Variants in POLR3H observed in about 807,000 individuals in gnomAD.
The protein encoded by POLR3H is RNA polymerase III subunit H.
POLR3H carries 17 observed loss-of-function variants against 25.5 expected under a neutral mutation model. That is an observed-to-expected ratio of 0.67 (90% CI 0.46 to 1.00). POLR3H has a LOEUF of 1.00. POLR3H is among the 50% of genes least tolerant of loss of function. The probability of loss-of-function intolerance (pLI) is 0.00; values close to 1 mark genes in which losing one functional copy is unlikely to be tolerated. For missense variants in POLR3H, 274 were observed against 265.0 expected, an observed-to-expected ratio of 1.03 and a Z score of -0.24; for synonymous variants, 129 against 103.0, an observed-to-expected ratio of 1.25 and a Z score of -1.53.
chr22:41,532,857 C>T, intron 2 of POLR3H, 112 bp from the exon 3 acceptor site: 1 of 1,151,816 alleles, frequency 8.7e-7, no homozygotes, highest in Non-Finnish European at 1.2e-6. Context: ...CATGCCACAT[C>T]CCCCTGCAAG....
Position 41,527,588 on chromosome 22 carries a change from TCAGCTTCC to T in POLR3H, c.*1687_*1694del. 3 of 1,008,598 alleles carry T rather than the reference TCAGCTTCC, an allele frequency of 3.0e-6. No homozygotes were observed. Among genetic ancestry groups the T allele is most frequent in the South Asian group, 1.7e-5 (1 of 59,846 alleles). 62.5% of individuals were successfully genotyped at this position (1,008,598 alleles called of 1,614,324 possible). On this transcript the variant is annotated 3_prime_UTR_variant, in exon 6 of 6. Transcript: ENST00000355209. ...GGCTCACACAGTGCACATCCGACGC[TCAGCTTCC>T]CGGCTTCCCGCAGGCCCTGCTTCCA...
At position 41,543,913 on chromosome 22, in the gene POLR3H, C is replaced by T. The variant is rs1569039488; in HGVS notation, c.111+78G>A. ...TGCCCACGGCCAGGGCTTGGCATGA[C>T]CGAGGCCGGGCCTGCGGCCAGTGGG... On this transcript the variant is annotated intron_variant, in intron 1 of 5. Transcript: ENST00000355209. 4.9e-6 allele frequency: 5 copies of T among 1,028,248 alleles called. No individual in the cohort carries two copies. In the South Asian group the frequency reaches 5.2e-5, roughly 11 times the overall value. The allele number at this position is 1,028,248 out of a possible 1,614,324, so 63.7% of individuals were successfully genotyped here. A position where few individuals can be genotyped will look rare whatever the true frequency, so the allele number is the denominator to read the frequency against.
chr22:41,530,470 GC>G (rs898705302), intron 5 of POLR3H, among the ~76,000 whole-genome samples: 21 of 152,044 alleles, frequency 1.4e-4, no homozygotes, highest in African/African-American at 5.1e-4. Context: ...AAGCTGACTC[GC>G]CCACCCCACC....
rs536839728 is a variant in POLR3H at position 41,528,293 on chromosome 22, C to T, written c.*990G>A. On this transcript the variant is annotated 3_prime_UTR_variant, in exon 6 of 6. Transcript: ENST00000355209. ...CCCACCCACTGCAGGACCCTCTGGG[C>T]CCCAGGAATCCCCTGTAGGTGCCAC... is the stretch of plus-strand genomic sequence containing the variant. The T allele has an allele frequency of 1.1e-6, 1 of 897,756 alleles. No individual in the cohort carries two copies. The highest frequency in any genetic ancestry group is 1.6e-6 in the Non-Finnish European group (1 of 606,514). The allele number at this position is 897,756 out of a possible 1,614,324, so 55.6% of individuals were successfully genotyped here.
At chr22:41,534,905 A>G (rs1374216150) in intron 2 of POLR3H, among the ~76,000 whole-genome samples, 1 of 151,994 alleles carries the variant, frequency 6.6e-6, no homozygotes, top group Non-Finnish European at 1.5e-5. Flanking sequence ...AAAAAAAAAA[A>G]AAAAAAAATT....
intron 2 of POLR3H, chr22:41,540,206 G>T: frequency 3.9e-6 from 1 of 255,596 alleles, no homozygotes; most frequent in South Asian, 4.5e-5. Flanking sequence ...TCCCCCTTCC[G>T]TCTGCTCTCC....
intron 2 of POLR3H, chr22:41,540,128 T>C (rs2066906052): frequency 5.3e-6 from 1 of 189,582 alleles, no homozygotes; most frequent in South Asian, 9.6e-5. Flanking sequence ...CAGCTTTTAA[T>C]CTTGAGGCCA....
intron 4 of POLR3H, among the ~76,000 whole-genome samples, chr22:41,531,302 A>C (rs2145542122): frequency 6.6e-6 from 1 of 152,356 alleles, no homozygotes; most frequent in South Asian, 2.1e-4. Context: ...TCAAGAGGAC[A>C]TAGTGGGATG....
At position 41,527,855 on chromosome 22, in the gene POLR3H, C is replaced by T. The variant is rs781021409; in HGVS notation, c.*1428G>A. On this transcript the variant is annotated 3_prime_UTR_variant, in exon 6 of 6. Transcript: ENST00000355209. ...AGATGGGTTCAGAAAATGAAGCTCT[C>T]CAGGCTAGTCAGGCCCCCGATGACC... 3.7e-6 allele frequency: 6 copies of T among 1,613,842 alleles called. No homozygotes were observed. The highest frequency in any genetic ancestry group is 2.2e-5 in the South Asian group (2 of 91,058).
At chr22:41,536,145 C>G (rs175919) in intron 2 of POLR3H, among the ~76,000 whole-genome samples, 2 of 151,096 alleles carry the variant, frequency 1.3e-5, no homozygotes, top group South Asian at 4.2e-4. Flanking sequence ...GTAATCCCAG[C>G]ACTTTGGGAG....
At chr22:41,540,455 C>T (rs1219586636) in intron 2 of POLR3H, 21 of 513,522 alleles carry the variant, frequency 4.1e-5, no homozygotes, top group Non-Finnish European at 7.5e-5. Flanking sequence ...GCCTCCAGGA[C>T]TCCCACCACC....
At chr22:41,536,742 T>A (rs2066854591) in intron 2 of POLR3H, among the ~76,000 whole-genome samples, 1 of 151,426 alleles carries the variant, frequency 6.6e-6, no homozygotes, top group African/African-American at 2.4e-5. Context: ...GGTGGGCACC[T>A]GTAATCTCAG....
intron 4 of POLR3H, among the ~76,000 whole-genome samples, chr22:41,531,328 A>T (rs917625985): frequency 6.6e-6 from 1 of 152,222 alleles, no homozygotes; most frequent in Non-Finnish European, 1.5e-5. Context: ...TCACCTGCCC[A>T]CTTGGATGAC....
chr22:41,541,689 AC>A (rs2066931833), intron 1 of POLR3H, among the ~76,000 whole-genome samples: 2 of 152,158 alleles, frequency 1.3e-5, no homozygotes, highest in Non-Finnish European at 2.9e-5. Context: ...CAGGACCTCT[AC>A]CCCAAAGGGA....
chr22:41,528,615 G>A lies in POLR3H; in HGVS notation c.*668C>T. The A allele has an allele frequency of 6.3e-7, 1 of 1,592,378 alleles. No homozygotes were observed. Among genetic ancestry groups the A allele is most frequent in the South Asian group, 1.1e-5 (1 of 87,726 alleles). ...AGAATGAAGGAACTGCAACAGTGAG[G>A]GCAGTGCCTCCCCGCCCCGCCGCTG... On this transcript the variant is annotated 3_prime_UTR_variant, in exon 6 of 6. Transcript: ENST00000355209.
Position 41,529,203 on chromosome 22 carries a change from C to A in POLR3H, c.*80G>T. 7.9e-7 allele frequency: 1 copy of A among 1,259,926 alleles called. No individual in the cohort carries two copies. The highest frequency in any genetic ancestry group is 1.3e-5 in the South Asian group (1 of 77,856). 78.0% of individuals were successfully genotyped at this position (1,259,926 alleles called of 1,614,324 possible). A position where few individuals can be genotyped will look rare whatever the true frequency, so the allele number is the denominator to read the frequency against. ...GCTCGAGACACTATCTCCTTAGCAT[C>A]GGCCTCAGCTGCTGTTGTCTTCACA... On this transcript the variant is annotated 3_prime_UTR_variant, in exon 6 of 6. Coordinates refer to ENST00000355209, the MANE Select transcript of POLR3H (RefSeq NM_001018050.4).
Position 41,530,736 on chromosome 22 carries a change from G to T in POLR3H, c.512C>A (p.Thr171Asn). ...SPTGPSSADA[T>N]TSSEELPKKE... Reference sequence around the variant, plus strand: ...CTTTGGCAGCTCCTCACTGGAAGTGGTGGCATCTGCTGAGCTGGGCCCTGT... The same window carrying T: ...CTTTGGCAGCTCCTCACTGGAAGTGTTGGCATCTGCTGAGCTGGGCCCTGT... Residue 171 changes from threonine (T) to asparagine (N), a missense_variant, in exon 5 of 6, where the codon ACC becomes AAC. By Grantham distance (65) the Thr-to-Asn change is moderately conservative (BLOSUM62 0). Coordinates refer to ENST00000355209, the MANE Select transcript of POLR3H (RefSeq NM_001018050.4). 1 of 1,613,942 alleles carries T rather than the reference G, an allele frequency of 6.2e-7. No homozygotes were observed. Among genetic ancestry groups the T allele is most frequent in the Non-Finnish European group, 8.5e-7 (1 of 1,180,042 alleles).
chr22:41,543,893 AC>A (rs2066973257), intron 1 of POLR3H, 97 bp downstream of exon 1: 2 of 828,602 alleles, frequency 2.4e-6, no homozygotes, highest in Non-Finnish European at 4.2e-6. Context: ...CTGCTTGCCC[AC>A]GGCCAGGGCT....
intron 4 of POLR3H, among the ~76,000 whole-genome samples, chr22:41,531,666 G>A (rs1032780917): frequency 4.6e-5 from 7 of 152,240 alleles, no homozygotes; most frequent in African/African-American, 1.4e-4. Flanking sequence ...CAGGGACAAC[G>A]GAGGCCCAGG....
Sources: gnomAD v4.1 joint callset for allele counts (sites outside exome capture counted in the v4.1 genomes callset) on GRCh38, gnomAD v4.1.1 for gene constraint, MANE v1.5 for transcripts, NCBI Gene and HGNC (gene_info 2026-07-23, HGNC 2026-07-21) for gene names.